Variants in EBF2 observed in about 807,000 individuals in gnomAD.
The protein encoded by EBF2 is transcription factor COE2.
In EBF2, 21 loss-of-function variants were observed where a neutral mutation model predicts 72.8. The observed-to-expected ratio is 0.29, with a 90% confidence interval of 0.20 to 0.42. The LOEUF (loss-of-function observed/expected upper bound fraction) is 0.42. Among genes scored for constraint, EBF2 ranks in the 10% least tolerant of loss-of-function variants. The probability of loss-of-function intolerance (pLI) is 1.00; values close to 1 mark genes in which losing one functional copy is unlikely to be tolerated. For synonymous variants in EBF2, 299 were observed against 274.2 expected (o/e 1.09, Z -0.89); for missense variants, 637 against 731.2 (o/e 0.87, Z 1.49).
intron 6 of EBF2, among the ~76,000 whole-genome samples, chr8:26,007,307 C>T (rs939773458): frequency 4.6e-5 from 7 of 152,208 alleles, no homozygotes; most frequent in Non-Finnish European, 7.4e-5. Flanking sequence ...CTTGAGGGGG[C>T]CCCTGAACAC....
At chr8:26,006,111 C>T (rs1472557662) in intron 6 of EBF2, among the ~76,000 whole-genome samples, 1 of 152,146 alleles carries the variant, frequency 6.6e-6, no homozygotes, top group Non-Finnish European at 1.5e-5. Flanking sequence ...TACTCTAAGG[C>T]AGGTCCTCAG....
chr8:25,950,586 G>C (rs550897488), intron 6 of EBF2, among the ~76,000 whole-genome samples: 1 of 152,318 alleles, frequency 6.6e-6, no homozygotes, highest in East Asian at 1.9e-4. Flanking sequence ...CCTAAGTGTG[G>C]TTGCACAGGA....
intron 6 of EBF2, among the ~76,000 whole-genome samples, chr8:26,006,311 G>A (rs531338618): frequency 2.6e-5 from 4 of 152,264 alleles, no homozygotes; most frequent in Admixed American, 6.5e-5. Flanking sequence ...CTACAACAGA[G>A]ATCAACATGT....
intron 6 of EBF2, among the ~76,000 whole-genome samples, chr8:25,937,969 T>C (rs1803607108): frequency 6.6e-6 from 1 of 151,538 alleles, no homozygotes; most frequent in East Asian, 1.9e-4. Context: ...AAAAAGATGA[T>C]GGGAAAAGAA....
chr8:25,966,021 A>G (rs1391155664), intron 6 of EBF2, among the ~76,000 whole-genome samples: 1 of 152,216 alleles, frequency 6.6e-6, no homozygotes, highest in East Asian at 1.9e-4. Flanking sequence ...ATAGGTTGCA[A>G]CAGTGCAAGG....
intron 7 of EBF2, among the ~76,000 whole-genome samples, chr8:25,897,605 G>A (rs2117301416): frequency 6.6e-6 from 1 of 152,280 alleles, no homozygotes; most frequent in African/African-American, 2.4e-5. Flanking sequence ...TTACAAGTGA[G>A]AACATGCAGT....
chr8:25,906,795 C>A lies in EBF2; in HGVS notation c.633+1679G>T, dbSNP rs377458446. Among the ~76,000 whole-genome samples, 194 of 133,826 alleles carry A rather than the reference C, an allele frequency of 1.4e-3. 1 individual carries two copies. The highest frequency in any genetic ancestry group is 9.3e-3 in the South Asian group (39 of 4,214). 87.8% of individuals were successfully genotyped at this position (133,826 alleles called of 152,430 possible). On this transcript the variant is annotated intron_variant, in intron 7 of 15. Transcript: ENST00000520164. ...ACAAACAAACAAACAAACAAACAAA[C>A]AAAAAAAGGCAGGGAAACAGCCTGC...
At chr8:25,942,285 A>T (rs1286097298) in intron 6 of EBF2, among the ~76,000 whole-genome samples, 2 of 152,254 alleles carry the variant, frequency 1.3e-5, no homozygotes, top group African/African-American at 4.8e-5. Context: ...GTACATGTGC[A>T]ATTCTATCAG....
chr8:26,034,035 A>G (rs945548112), intron 5 of EBF2, among the ~76,000 whole-genome samples: 1 of 152,202 alleles, frequency 6.6e-6, no homozygotes, highest in Admixed American at 6.5e-5. Flanking sequence ...ATGATATTTT[A>G]GATATTTGTG....
intron 8 of EBF2, among the ~76,000 whole-genome samples, chr8:25,889,031 C>T (rs1439832525): frequency 2.6e-5 from 4 of 152,074 alleles, no homozygotes; most frequent in Admixed American, 2.6e-4. Context: ...ATACAAGATA[C>T]ATTTTCAGGG....
chr8:25,974,353 TC>T (rs1347784949), intron 6 of EBF2, among the ~76,000 whole-genome samples: 2 of 152,216 alleles, frequency 1.3e-5, no homozygotes, highest in African/African-American at 4.8e-5. Flanking sequence ...CCTGACCATC[TC>T]CAGAAAGTAA....
At chr8:25,896,150 C>G (rs889324859) in intron 7 of EBF2, among the ~76,000 whole-genome samples, 37 of 152,306 alleles carry the variant, frequency 2.4e-4, no homozygotes, top group African/African-American at 8.9e-4. Context: ...TGTGGAATCA[C>G]CAAATGATCT....
chr8:25,992,084 G>A (rs983521049), intron 6 of EBF2, among the ~76,000 whole-genome samples: 1 of 151,822 alleles, frequency 6.6e-6, no homozygotes, highest in Non-Finnish European at 1.5e-5. Flanking sequence ...AGGCTAGAGT[G>A]CAGTGGTGCA....
chr8:26,040,021 C>T lies in EBF2; in HGVS notation c.482+7G>A, dbSNP rs1221196032. The T allele has an allele frequency of 6.2e-7, 1 of 1,613,378 alleles. No individual in the cohort carries two copies. Among genetic ancestry groups the T allele is most frequent in the Non-Finnish European group, 8.5e-7 (1 of 1,179,598 alleles). On this transcript the variant is annotated splice_region_variant and intron_variant, in intron 5 of 15. Coordinates refer to ENST00000520164, the MANE Select transcript of EBF2 (RefSeq NM_022659.4). ...TCCAGGAAGGCCTGGGAAAAGGCGG[C>T]TCTTACCTACACATCACTTCGTGCG... is the stretch of plus-strand genomic sequence containing the variant.
At chr8:25,968,840 G>A (rs1056426574) in intron 6 of EBF2, among the ~76,000 whole-genome samples, 2 of 152,170 alleles carry the variant, frequency 1.3e-5, no homozygotes, top group Admixed American at 6.5e-5. Context: ...TGACAGGCAC[G>A]AGCCACCGTG....
intron 6 of EBF2, among the ~76,000 whole-genome samples, chr8:26,007,499 TA>T (rs1359153814): frequency 6.6e-6 from 1 of 152,046 alleles, no homozygotes; most frequent in Non-Finnish European, 1.5e-5. Context: ...GGTCCATATG[TA>T]AAACAAACAA....
intron 9 of EBF2, among the ~76,000 whole-genome samples, chr8:25,887,117 GTCTC>G (rs67623458): frequency 1.2e-4 from 18 of 149,330 alleles, no homozygotes; most frequent in South Asian, 2.1e-4. Flanking sequence ...GTATGTCTCT[GTCTC>G]TCTCTCTCTC....
At chr8:25,862,822 G>T in intron 10 of EBF2, 25 bp from the exon 11 acceptor site, 1 of 1,550,748 alleles carries the variant, frequency 6.4e-7, no homozygotes, top group South Asian at 1.2e-5. Context: ...TCCTCTTTCT[G>T]AGTTGGTATC....
intron 6 of EBF2, among the ~76,000 whole-genome samples, chr8:25,988,979 A>G (rs1399209734): frequency 6.6e-6 from 1 of 152,250 alleles, no homozygotes; most frequent in African/African-American, 2.4e-5. Context: ...ATATTTAATT[A>G]ATTATGTGAT....
Sources: allele counts gnomAD v4.1 joint callset (sites outside exome capture counted in the v4.1 genomes callset), GRCh38; gene constraint gnomAD v4.1.1; transcripts MANE v1.5; gene names NCBI Gene and HGNC (gene_info 2026-07-23, HGNC 2026-07-21).